The following ZNF236 variants were observed in gnomAD, a reference collection of about 807,000 sequenced individuals.
The protein encoded by ZNF236 is regulated by glucose.
ZNF236 carries 50 observed loss-of-function variants against 191.2 expected under a neutral mutation model. The observed-to-expected ratio is 0.26, with a 90% CI of 0.21 to 0.33. The LOEUF (loss-of-function observed/expected upper bound fraction) is 0.33, where lower values mean the gene tolerates loss of function less well. Ranked by LOEUF, ZNF236 falls within the 10% of genes least tolerant of loss-of-function variation. The pLI is 1.00. For synonymous variants in ZNF236, 907 were observed against 928.8 expected (o/e 0.98, Z 0.43); for missense variants, 1,754 against 2,374.5 (o/e 0.74, Z 5.43).
rs369663724 is a variant in ZNF236 at position 76,913,915 on chromosome 18, T to C, written c.3061+17T>C. ...CACACACAGGTCACTGTCTGCCTTA[T>C]ACTTGGAGATTAGTCCTTTAAAGAA... On this transcript the variant is annotated intron_variant, in intron 18 of 30. Transcript: ENST00000320610. 9.3e-6 allele frequency: 15 copies of C among 1,613,458 alleles called. No homozygotes were observed. The highest frequency in any genetic ancestry group is 3.3e-5 in the Admixed American group (2 of 59,900).
intron 25 of ZNF236, among the ~76,000 whole-genome samples, chr18:76,936,693 T>C (rs1181333340): frequency 1.3e-5 from 2 of 152,198 alleles, no homozygotes; most frequent in Non-Finnish European, 2.9e-5. Flanking sequence ...TATTCCTCAG[T>C]GGATCACACT....
At chr18:76,937,009 T>C in intron 25 of ZNF236, 147 bp from the exon 26 acceptor site, 1 of 622,870 alleles carries the variant, frequency 1.6e-6, no homozygotes. Context: ...AAATTAGAAT[T>C]GAAGACCCTG....
intron 19 of ZNF236, among the ~76,000 whole-genome samples, chr18:76,917,092 C>T (rs904631969): frequency 6.6e-6 from 1 of 152,214 alleles, no homozygotes; most frequent in Admixed American, 6.5e-5. Flanking sequence ...AGCCATTGTG[C>T]ACCTCATTTC....
chr18:76,928,899 G>A (rs1187924828), intron 25 of ZNF236, among the ~76,000 whole-genome samples: 1 of 151,480 alleles, frequency 6.6e-6, no homozygotes, highest in Non-Finnish European at 1.5e-5. Flanking sequence ...AACTTCCACA[G>A]ATATTAACTC....
At chr18:76,827,116 G>A (rs113096091) in intron 1 of ZNF236, among the ~76,000 whole-genome samples, 3,274 of 152,090 alleles carry the variant, frequency 0.022, 45 homozygotes, top group Non-Finnish European at 0.029. Context: ...GGCTAGTCTC[G>A]AACTCCTGAC....
At position 76,880,237 on chromosome 18, in the gene ZNF236, C is replaced by T. The variant is rs1238773693; in HGVS notation, c.1109C>T (p.Ala370Val). 8.7e-6 allele frequency: 14 copies of T among 1,614,086 alleles called. No homozygotes were observed. The highest frequency in any genetic ancestry group is 2.2e-5 in the East Asian group (1 of 44,868). Residue 370 changes from alanine (A) to valine (V), a missense_variant, in exon 8 of 31, where the codon GCG becomes GTG. Ala to Val is a moderately conservative substitution (Grantham distance 64). Coordinates refer to ENST00000320610, the MANE Select transcript of ZNF236 (RefSeq NM_001306089.2). The surrounding 1 kb of genome is among the most constrained non-coding windows in gnomAD (Gnocchi z 5.0). ...IQQLLELSEP[A>V]PVESGQSPQP... ...CAGCTCCTGGAGCTCTCAGAGCCGG[C>T]GCCGGTGGAGTCGGGGCAGTCCCCG... is the stretch of plus-strand genomic sequence containing the variant.
rs534693787 is a variant in ZNF236 at position 76,971,405 on chromosome 18, A to G, written c.*3066A>G. Among the ~76,000 whole-genome samples, 1 of 152,300 alleles carries G rather than the reference A, an allele frequency of 6.6e-6. No individual in the cohort carries two copies. Among genetic ancestry groups the G allele is most frequent in the Non-Finnish European group, 1.5e-5 (1 of 68,016 alleles). ...AGCCAGGTCAGTGGGAGGCTCATCA[A>G]ATGCCACTCTCCTCTTCCTGACAGT... On this transcript the variant is annotated 3_prime_UTR_variant, in exon 31 of 31. Coordinates refer to ENST00000320610, the MANE Select transcript of ZNF236 (RefSeq NM_001306089.2).
At chr18:76,938,543 T>G (rs1968055449) in intron 26 of ZNF236, among the ~76,000 whole-genome samples, 1 of 152,222 alleles carries the variant, frequency 6.6e-6, no homozygotes, top group Admixed American at 6.5e-5. Context: ...AATGGCCTCT[T>G]CTGAGCTCTA....
intron 3 of ZNF236, among the ~76,000 whole-genome samples, chr18:76,866,295 A>G (rs2122583452): frequency 6.6e-6 from 1 of 152,330 alleles, no homozygotes; most frequent in East Asian, 1.9e-4. Context: ...AGGGAAGAGC[A>G]GCGTTTTGTG....
intron 22 of ZNF236, among the ~76,000 whole-genome samples, chr18:76,926,496 T>C (rs569839838): frequency 1.1e-4 from 16 of 152,224 alleles, no homozygotes; most frequent in African/African-American, 3.9e-4. Flanking sequence ...GATTAGACAG[T>C]ATATGTGCGT....
At position 76,960,014 on chromosome 18, in the gene ZNF236, T is replaced by C. The variant is rs1265747658; in HGVS notation, c.5242+198T>C. Among the ~76,000 whole-genome samples, 1 of 152,200 alleles carries C rather than the reference T, an allele frequency of 6.6e-6. No individual in the cohort carries two copies. Among genetic ancestry groups the C allele is most frequent in the East Asian group, 1.9e-4 (1 of 5,198 alleles). ...CTTTTCACATGGAAGATTTTGCTGC[T>C]TACATTATGACCATATGAAACAGAA... On this transcript the variant is annotated intron_variant, in intron 29 of 30. Transcript: ENST00000320610. The surrounding 1 kb of genome is among the most constrained non-coding windows in gnomAD (Gnocchi z 4.4).
chr18:76,910,841 G>A, intron 16 of ZNF236, 30 bp downstream of exon 16: 2 of 1,607,272 alleles, frequency 1.2e-6, no homozygotes, highest in South Asian at 2.2e-5. Context: ...TGCATACATG[G>A]CAGTATTTAG....
In ZNF236 at chr18:76,897,668, A is replaced by T. The variant is rs147468541; in HGVS notation, c.1691-1351A>T. The stretch of plus-strand genomic sequence containing the variant: ...ACATAGGCACTGCCCATAGTACCAA[A>T]CACAGTACTGCACACAAGTACTACA... On this transcript the variant is annotated intron_variant, in intron 10 of 30. Coordinates refer to ENST00000320610, the MANE Select transcript of ZNF236 (RefSeq NM_001306089.2). Among the ~76,000 whole-genome samples the T allele has an allele frequency of 8.3e-3, 1,260 of 152,256 alleles. 7 individuals are homozygous for T. The highest frequency in any genetic ancestry group is 0.024 in the Middle Eastern group (7 of 294).
chr18:76,869,439 C>T (rs1453570090), intron 4 of ZNF236, among the ~76,000 whole-genome samples: 1 of 152,168 alleles, frequency 6.6e-6, no homozygotes, highest in Non-Finnish European at 1.5e-5. Flanking sequence ...ATAATCTTAA[C>T]AACTGACTAT....
intron 1 of ZNF236, chr18:76,834,769 G>T: frequency 2.2e-6 from 1 of 455,292 alleles, no homozygotes; most frequent in Non-Finnish European, 4.3e-6. Flanking sequence ...CATTGTACTT[G>T]TCTCTTAGCT....
At chr18:76,926,758 G>C (rs1446549032) in intron 22 of ZNF236, among the ~76,000 whole-genome samples, 1 of 151,610 alleles carries the variant, frequency 6.6e-6, no homozygotes, top group East Asian at 1.9e-4. Context: ...AGGGTGATTA[G>C]ACAGTGTGTG....
chr18:76,907,390 G>C (rs1432990324), intron 13 of ZNF236, among the ~76,000 whole-genome samples: 2 of 152,228 alleles, frequency 1.3e-5, no homozygotes, highest in Admixed American at 1.3e-4. Flanking sequence ...GTCTCGCTCT[G>C]TTGCCCAGGC....
rs1968884901 is a variant in ZNF236, at chr18:76,970,168, AT to A, written c.*1830del. The A allele has an allele frequency of 6.6e-6, 1 of 152,652 alleles. No homozygotes were observed. Among genetic ancestry groups the A allele is most frequent in the East Asian group, 1.9e-4 (1 of 5,204 alleles). 9.5% of individuals were successfully genotyped at this position (152,652 alleles called of 1,614,324 possible). ...AATGTTGATTAATTTTGGTGAAAAA[AT>A]ATCCCCAAAGTGGAAATTATTGGAA... On this transcript the variant is annotated 3_prime_UTR_variant, in exon 31 of 31. Transcript: ENST00000320610.
chr18:76,852,204 C>T (rs1222431031), intron 3 of ZNF236, among the ~76,000 whole-genome samples: 2 of 152,162 alleles, frequency 1.3e-5, no homozygotes, highest in African/African-American at 4.8e-5. Context: ...GGCAGAGGCT[C>T]CTCCTGGCGC....
Sources: gnomAD v4.1 joint callset for allele counts (sites outside exome capture counted in the v4.1 genomes callset) on GRCh38, gnomAD v4.1.1 for gene constraint, Gnocchi (gnomAD v3.1) non-coding constraint, MANE v1.5 for transcripts, NCBI Gene and HGNC (gene_info 2026-07-23, HGNC 2026-07-21) for gene names.